DNAH5: variants seen among roughly 807,000 people sequenced by gnomAD.
DNAH5 encodes the protein dynein axonemal heavy chain 5.
In DNAH5, 372 loss-of-function variants were observed where a neutral mutation model predicts 518.2. That is an observed-to-expected ratio of 0.72 (90% CI 0.66 to 0.78). The LOEUF is 0.78. Among genes scored for constraint, DNAH5 ranks in the 30% least tolerant of loss-of-function variants. The pLI, the probability that DNAH5 is intolerant of heterozygous loss-of-function variation, is 0.00. For missense variants in DNAH5, 5,523 were observed against 5,687.0 expected (o/e 0.97, Z 0.93); for synonymous variants, 2,039 against 2,025.9 (o/e 1.01, Z -0.17).
chr5:13,759,067 G>C, intron 60 of DNAH5, 84 bp from the exon 61 acceptor site: 13 of 1,567,866 alleles, frequency 8.3e-6, no homozygotes, highest in Non-Finnish European at 1.0e-5. Context: ...CTCAGCTAAC[G>C]TCACATGTTT....
intron 58 of DNAH5, among the ~76,000 whole-genome samples, chr5:13,768,547 G>A (rs1752843682): frequency 6.6e-6 from 1 of 152,194 alleles, no homozygotes; most frequent in African/African-American, 2.4e-5. Flanking sequence ...CATCAGACCA[G>A]CAGCTCTCTA....
chr5:13,842,647 G>A (rs1561408462), intron 32 of DNAH5, among the ~76,000 whole-genome samples: 1 of 152,070 alleles, frequency 6.6e-6, no homozygotes, highest in Non-Finnish European at 1.5e-5. Context: ...AACCTAAAGT[G>A]CTGTACTAAG....
chr5:13,846,572 T>G (rs1377069430), intron 31 of DNAH5, among the ~76,000 whole-genome samples: 2 of 151,932 alleles, frequency 1.3e-5, no homozygotes, highest in Non-Finnish European at 2.9e-5. Context: ...TGAGCTACAT[T>G]CCTCAAGACA....
chr5:13,824,299 G>C lies in DNAH5; in HGVS notation c.6479C>G (p.Ser2160Ter). 1 of 1,614,056 alleles carries C rather than the reference G, an allele frequency of 6.2e-7. No individual in the cohort carries two copies. Among genetic ancestry groups the C allele is most frequent in the Non-Finnish European group, 8.5e-7 (1 of 1,179,984 alleles). The change falls in exon 39 of 79, where the codon TCA becomes TGA. Residue 2160 changes from serine (S) to a stop codon, truncating the protein, a stop_gained. Transcript: ENST00000265104. LOFTEE classifies it high-confidence loss of function. ...HYDFGLRNIL[S>*]VLRTLGAAKR... ...TGCTGCTCCCAAGGTCCGAAGAACT[G>C]ACAGAATGTTACGCAGGCCAAAGTC...
Position 13,727,569 on chromosome 5 carries a change from GA to G in DNAH5, c.11970del (p.Asp3992ThrfsTer39), listed in dbSNP as rs778289775. 1 of 1,613,936 alleles carries G rather than the reference GA, an allele frequency of 6.2e-7. No individual in the cohort carries two copies. Among genetic ancestry groups the G allele is most frequent in the Admixed American group, 1.7e-5 (1 of 60,016 alleles). ...EEPLPNAYDK[S>X]LDCFRRLLLI... ...AGGAGAAGACGTCTGAAGCAGTCAA[GA>G]GATTTATCATAGGCATTTGGAAGAG... On this transcript the variant is annotated frameshift_variant, in exon 70 of 79. Transcript: ENST00000265104. LOFTEE classifies it high-confidence loss of function.
chr5:13,852,937 G>T (rs1647720129), intron 30 of DNAH5, among the ~76,000 whole-genome samples: 1 of 152,228 alleles, frequency 6.6e-6, no homozygotes, highest in South Asian at 2.1e-4. Flanking sequence ...CAGCTGTGGG[G>T]TACAGCGTCA....
intron 59 of DNAH5, among the ~76,000 whole-genome samples, chr5:13,764,477 C>T (rs1752232651): frequency 6.6e-6 from 1 of 152,112 alleles, no homozygotes; most frequent in Admixed American, 6.6e-5. Context: ...GGCTCATAAG[C>T]CTATGAAAAG....
chr5:13,757,018 T>C (rs1213681700), intron 61 of DNAH5, among the ~76,000 whole-genome samples: 4 of 152,212 alleles, frequency 2.6e-5, no homozygotes, highest in African/African-American at 9.6e-5. Flanking sequence ...CCATCTAGGT[T>C]CCTGAAAGGA....
chr5:13,776,393 T>C (rs1403413226), intron 55 of DNAH5, 46 bp downstream of exon 55: 2 of 1,612,694 alleles, frequency 1.2e-6, no homozygotes, highest in Admixed American at 1.7e-5. Context: ...AGAACTAGAA[T>C]CCTTGAACAC....
At chr5:13,968,089 A>G (rs916735023) in intron 1 of DNAH5, among the ~76,000 whole-genome samples, 2 of 152,024 alleles carry the variant, frequency 1.3e-5, no homozygotes, top group Admixed American at 1.3e-4. Context: ...TGTTGCAGCT[A>G]TTGTAAAAGG....
At chr5:13,931,676 T>G (rs1274814967) in intron 1 of DNAH5, among the ~76,000 whole-genome samples, 3 of 152,230 alleles carry the variant, frequency 2.0e-5, no homozygotes, top group Non-Finnish European at 4.4e-5. Context: ...AGCTACATAT[T>G]TGGTCTTGAA....
intron 56 of DNAH5, among the ~76,000 whole-genome samples, chr5:13,770,121 C>A (rs1421822871): frequency 2.6e-5 from 4 of 152,154 alleles, no homozygotes; most frequent in Non-Finnish European, 4.4e-5. Flanking sequence ...TGGGAACCCT[C>A]CGAGTCATTT....
intron 1 of DNAH5, among the ~76,000 whole-genome samples, chr5:13,958,186 C>T (rs942282798): frequency 5.9e-5 from 9 of 151,696 alleles, no homozygotes; most frequent in African/African-American, 2.2e-4. Flanking sequence ...CATACAAATC[C>T]TTGGTATAAA....
intron 40 of DNAH5, among the ~76,000 whole-genome samples, chr5:13,821,104 C>A (rs538412126): frequency 5.3e-5 from 8 of 152,156 alleles, no homozygotes; most frequent in African/African-American, 1.7e-4. Context: ...TACATATTTA[C>A]ATAGACAAAA....
At chr5:13,916,693 C>T (rs1186407517) in intron 8 of DNAH5, among the ~76,000 whole-genome samples, 2 of 151,930 alleles carry the variant, frequency 1.3e-5, no homozygotes, top group African/African-American at 4.8e-5. Context: ...TGACAAGCAA[C>T]AGCAAGTTAA....
chr5:13,707,465 A>C lies in DNAH5; in HGVS notation c.13338+658T>G, dbSNP rs1742945116. 1.3e-5 allele frequency among the ~76,000 whole-genome samples: 2 copies of C among 152,220 alleles called. No homozygotes were observed. The highest frequency in any genetic ancestry group is 4.1e-4 in the South Asian group (2 of 4,834). Reference sequence around the variant, plus strand: ...CATCTGCAGATGGCAAAACTGAAAGAGTACACTGTAACACATGCCCATTCG... The same window carrying C: ...CATCTGCAGATGGCAAAACTGAAAGCGTACACTGTAACACATGCCCATTCG... On this transcript the variant is annotated intron_variant, in intron 76 of 78. Transcript: ENST00000265104. This position sits in a 1 kb window ranked among gnomAD's most constrained non-coding sequence, Gnocchi z 4.0.
rs1781744702 is a variant in DNAH5 at position 13,969,570 on chromosome 5, A to T, written c.13-38326T>A. Among the ~76,000 whole-genome samples, 4 of 152,264 alleles carry T rather than the reference A, an allele frequency of 2.6e-5. No homozygotes were observed. The South Asian group carries it at 8.3e-4, about 32-fold the overall frequency. ...TCTTGATTTTATTGTTGACCCAATG[A>T]TCATTCAGGAGCAGGTTATTTAATT... On this transcript the variant is annotated intron_variant, in intron 1 of 78. Coordinates refer to the DNAH5 transcript ENST00000681290.
chr5:13,769,713 G>T (rs760019352), intron 56 of DNAH5, 98 bp from the exon 57 acceptor site: 4 of 1,061,092 alleles, frequency 3.8e-6, no homozygotes, highest in Non-Finnish European at 5.8e-6. Flanking sequence ...GGTTATATCT[G>T]AAGATTGCAT....
intron 1 of DNAH5, among the ~76,000 whole-genome samples, chr5:14,004,691 G>A (rs1402919808): frequency 1.3e-5 from 2 of 152,200 alleles, no homozygotes; most frequent in Non-Finnish European, 1.5e-5. Context: ...AACTGCACAT[G>A]TATGTAGCAT....
Sources: gnomAD v4.1 joint callset for allele counts (sites outside exome capture counted in the v4.1 genomes callset) on GRCh38, gnomAD v4.1.1 for gene constraint, Gnocchi (gnomAD v3.1) non-coding constraint, MANE v1.5 for transcripts, NCBI Gene and HGNC (gene_info 2026-07-23, HGNC 2026-07-21) for gene names.